AFG2A: variants seen among roughly 807,000 people sequenced by gnomAD.
AFG2A encodes the protein AAA ATPase AFG2A.
chr4:122,974,581 C>T, the AFG2A span, among the ~76,000 whole-genome samples: 1 of 152,176 alleles, frequency 6.6e-6, no homozygotes, highest in Non-Finnish European at 1.5e-5. Flanking sequence ...CTTGCTGTGG[C>T]TGCCCAGCGT....
chr4:123,216,089 T>C, the AFG2A span, among the ~76,000 whole-genome samples: 1 of 152,146 alleles, frequency 6.6e-6, no homozygotes, highest in African/African-American at 2.4e-5. Context: ...TTAAGTATTA[T>C]AGACATTGAG....
chr4:122,982,864 CTTTTTTTT>C, the AFG2A span, among the ~76,000 whole-genome samples: 2 of 93,766 alleles, frequency 2.1e-5, no homozygotes, highest in South Asian at 3.7e-4. Flanking sequence ...TAATCTTCTT[CTTTTTTTT>C]TTTTTTTTTT....
At chr4:122,997,626 ACTTG>A in the AFG2A span, among the ~76,000 whole-genome samples, 1 of 152,156 alleles carries the variant, frequency 6.6e-6, no homozygotes, top group Admixed American at 6.5e-5. Flanking sequence ...TCGTGTGAAT[ACTTG>A]CTTTTAATTC....
the AFG2A span, chr4:123,260,142 A>C: frequency 6.6e-6 from 1 of 152,184 alleles, no homozygotes; most frequent in Non-Finnish European, 1.5e-5. Flanking sequence ...GGAGCAAAAA[A>C]AACACCTTCT....
At chr4:123,131,530 T>C in the AFG2A span, among the ~76,000 whole-genome samples, 4 of 152,142 alleles carry the variant, frequency 2.6e-5, no homozygotes, top group African/African-American at 4.8e-5. Flanking sequence ...CTTTCTACTT[T>C]GTTTCTATGA....
At chr4:123,113,225 G>A in the AFG2A span, among the ~76,000 whole-genome samples, 1 of 152,154 alleles carries the variant, frequency 6.6e-6, no homozygotes, top group African/African-American at 2.4e-5. Context: ...CAAAAGCTTT[G>A]CTTGGGATCT....
the AFG2A span, among the ~76,000 whole-genome samples, chr4:123,122,997 C>A: frequency 4.0e-4 from 61 of 152,058 alleles, no homozygotes; most frequent in Non-Finnish European, 8.8e-5. Context: ...GTCAGAGGAA[C>A]TTTTATTATT....
the AFG2A span, among the ~76,000 whole-genome samples, chr4:123,162,691 A>G: frequency 5.9e-5 from 9 of 152,190 alleles, no homozygotes; most frequent in African/African-American, 7.2e-5. Context: ...ATGAATACCA[A>G]TACCAAATTT....
the AFG2A span, among the ~76,000 whole-genome samples, chr4:123,135,122 G>A: frequency 6.6e-6 from 1 of 152,108 alleles, no homozygotes; most frequent in South Asian, 2.1e-4. Context: ...ATCAATAAAT[G>A]TGACTTACCA....
chr4:123,204,545 T>C, the AFG2A span, among the ~76,000 whole-genome samples: 143 of 152,210 alleles, frequency 9.4e-4, 1 homozygote, highest in Admixed American at 3.3e-4. Flanking sequence ...ACATTTTCCT[T>C]TGGATATGTG....
chr4:122,940,324 C>A, the AFG2A span, among the ~76,000 whole-genome samples: 1 of 152,140 alleles, frequency 6.6e-6, no homozygotes, highest in East Asian at 1.9e-4. Context: ...GATTGCCATT[C>A]TAACTGGTGT....
the AFG2A span, among the ~76,000 whole-genome samples, chr4:123,233,447 GA>G: frequency 0.013 from 1,916 of 151,592 alleles, 51 homozygotes; most frequent in African/African-American, 0.044. Flanking sequence ...GCCTTTAAAA[GA>G]AAAAAAGTTG....
At chr4:123,115,665 C>T in the AFG2A span, among the ~76,000 whole-genome samples, 3 of 152,104 alleles carry the variant, frequency 2.0e-5, no homozygotes, top group African/African-American at 4.8e-5. Context: ...CCCCAGGTAC[C>T]GTTCGCCTTG....
At chr4:123,237,808 A>G in the AFG2A span, among the ~76,000 whole-genome samples, 330 of 152,160 alleles carry the variant, frequency 2.2e-3, 2 homozygotes, top group Middle Eastern at 0.014. Context: ...TGACTAGTTC[A>G]TCTCATTGGG....
the AFG2A span, among the ~76,000 whole-genome samples, chr4:123,189,910 A>G: frequency 1.5e-5 from 2 of 132,910 alleles, no homozygotes; most frequent in African/African-American, 5.7e-5. Flanking sequence ...GGTTCAGGTG[A>G]TCATCCCACC....
At chr4:123,102,591 T>C in the AFG2A span, among the ~76,000 whole-genome samples, 1 of 152,052 alleles carries the variant, frequency 6.6e-6, no homozygotes, top group Non-Finnish European at 1.5e-5. Context: ...TTGAATCACT[T>C]ATAAATTTGA....
the AFG2A span, among the ~76,000 whole-genome samples, chr4:122,939,772 C>T: frequency 1.3e-5 from 2 of 152,108 alleles, no homozygotes; most frequent in African/African-American, 2.4e-5. Flanking sequence ...CTAATGCTAT[C>T]CCTCGCCCCT....
chr4:123,084,614 G>GTGTGTGTATA, the AFG2A span, among the ~76,000 whole-genome samples: 8 of 148,662 alleles, frequency 5.4e-5, no homozygotes, highest in African/African-American at 1.5e-4. Flanking sequence ...GTGTGTGTGT[G>GTGTGTGTATA]TATATATATA....
the AFG2A span, among the ~76,000 whole-genome samples, chr4:123,298,007 AT>A: frequency 6.6e-6 from 1 of 152,086 alleles, no homozygotes; most frequent in Admixed American, 6.6e-5. Context: ...CAGATTACCT[AT>A]CCAGCCCTCC....
Sources: allele counts gnomAD v4.1 joint callset (sites outside exome capture counted in the v4.1 genomes callset), GRCh38; gene constraint gnomAD v4.1.1; transcripts MANE v1.5; gene names NCBI Gene and HGNC (gene_info 2026-07-23, HGNC 2026-07-21).